Variants in YTHDF3 observed in about 807,000 individuals in gnomAD.
YTHDF3 encodes YTH N6-methyladenosine RNA binding protein F3, also known as YTH domain-containing family protein 3.
A neutral mutation model predicts 52.5 loss-of-function variants in YTHDF3; 9 were observed. The ratio of observed to expected loss-of-function variants is 0.17; its 90% CI spans 0.10 to 0.30. The LOEUF (loss-of-function observed/expected upper bound fraction) is 0.30. Ranked by LOEUF, YTHDF3 falls within the 10% of genes least tolerant of loss-of-function variation. YTHDF3 has a pLI of 1.00. For synonymous variants in YTHDF3, 274 were observed against 243.3 expected (o/e 1.13, Z -1.18); for missense variants, 534 against 715.0 (o/e 0.75, Z 2.89).
At chr8:63,201,904 G>A (rs1029460208) in intron 4 of YTHDF3, among the ~76,000 whole-genome samples, 4 of 152,148 alleles carry the variant, frequency 2.6e-5, no homozygotes, top group Non-Finnish European at 5.9e-5. Flanking sequence ...GACTTTAAGA[G>A]CCTCTGTTAC....
In YTHDF3 at chr8:63,209,678, T is replaced by C. The variant is rs1220393112; in HGVS notation, c.1735-5T>C. 7 of 1,572,294 alleles carry C rather than the reference T, an allele frequency of 4.5e-6. No individual in the cohort carries two copies. Among genetic ancestry groups the C allele is most frequent in the Non-Finnish European group, 6.0e-6 (7 of 1,166,082 alleles). On this transcript the variant is annotated splice_polypyrimidine_tract_variant and splice_region_variant and intron_variant, in intron 4 of 4. Coordinates refer to ENST00000539294, the MANE Select transcript of YTHDF3 (RefSeq NM_152758.6). ...TTTTGTGTGTGTGTGTTTTTTTTTT[T>C]TCAGGAGAGAAATAGAAACAAACAA...
At chr8:63,178,334 A>C (rs1807838407) in intron 3 of YTHDF3, among the ~76,000 whole-genome samples, 1 of 152,062 alleles carries the variant, frequency 6.6e-6, no homozygotes, top group Non-Finnish European at 1.5e-5. Context: ...TTTGCGTTTT[A>C]TCTGTTCTAT....
rs1810390588 is a variant in YTHDF3, at chr8:63,211,939, C to G, written c.*2233C>G. 1 of 152,544 alleles carries G rather than the reference C, an allele frequency of 6.6e-6. No homozygotes were observed. Among genetic ancestry groups the G allele is most frequent in the Admixed American group, 6.6e-5 (1 of 15,246 alleles). The allele number at this position is 152,544 out of a possible 1,614,324, so 9.4% of individuals were successfully genotyped here. On this transcript the variant is annotated 3_prime_UTR_variant, in exon 5 of 5. Transcript: ENST00000539294. The stretch of plus-strand genomic sequence containing the variant: ...TTCTCCAGAGCACCCACCTTCTCTT[C>G]CTTCTTGGTCTGTCATTATATTGCA...
intron 3 of YTHDF3, among the ~76,000 whole-genome samples, chr8:63,178,047 C>T (rs968913930): frequency 7.2e-5 from 11 of 152,172 alleles, no homozygotes; most frequent in African/African-American, 9.7e-5. Context: ...CATGGAACAC[C>T]GCACTCAGCC....
chr8:63,182,234 ATTTTTTTTTTTT>A (rs11348989), intron 3 of YTHDF3, among the ~76,000 whole-genome samples: 3 of 111,696 alleles, frequency 2.7e-5, no homozygotes, highest in South Asian at 3.3e-4. Context: ...TGCCTGGCTA[ATTTTTTTTTTTT>A]TTTTTTTTTT....
At chr8:63,185,086 C>T (rs1011696731) in intron 3 of YTHDF3, among the ~76,000 whole-genome samples, 2 of 151,982 alleles carry the variant, frequency 1.3e-5, no homozygotes, top group African/African-American at 2.4e-5. Flanking sequence ...AGCGCTGCTG[C>T]ACTTCTGCCT....
chr8:63,186,953 G>A lies in YTHDF3; in HGVS notation c.942G>A (p.Val314=). ...PQPLIQPPPL[V]QSQLPQQQPQ... is the part of the protein sequence containing the mutation. ...CATTAATTCAACCACCACCATTGGT[G>A]CAAAGCCAACTGCCTCAACAGCAGC... The change falls in exon 4 of 5, where the codon GTG becomes GTA. Residue 314 remains valine (V), a synonymous_variant. Coordinates refer to ENST00000539294, the MANE Select transcript of YTHDF3 (RefSeq NM_152758.6). 2.5e-6 allele frequency: 4 copies of A among 1,613,838 alleles called. No individual in the cohort carries two copies. Among genetic ancestry groups the A allele is most frequent in the Non-Finnish European group, 3.4e-6 (4 of 1,179,830 alleles).
chr8:63,183,384 C>G (rs1808283799), intron 3 of YTHDF3, among the ~76,000 whole-genome samples: 1 of 151,988 alleles, frequency 6.6e-6, no homozygotes, highest in African/African-American at 2.4e-5. Context: ...ACTATGAGTA[C>G]TTTCCATTTT....
At chr8:63,172,245 G>A (rs947606364) in intron 2 of YTHDF3, among the ~76,000 whole-genome samples, 1 of 152,048 alleles carries the variant, frequency 6.6e-6, no homozygotes, top group African/African-American at 2.4e-5. Context: ...TGGAATAAAG[G>A]TGTGCAGTAC....
At chr8:63,170,347 GTATT>G (rs1164384745) in intron 2 of YTHDF3, among the ~76,000 whole-genome samples, 2 of 152,020 alleles carry the variant, frequency 1.3e-5, no homozygotes, top group South Asian at 4.1e-4. Context: ...TCTTGTTAGG[GTATT>G]TATTTGCTAT....
intron 3 of YTHDF3, among the ~76,000 whole-genome samples, chr8:63,181,611 GTTAC>G (rs1266584833): frequency 5.9e-5 from 9 of 152,294 alleles, no homozygotes; most frequent in East Asian, 1.9e-4. Context: ...TGATTTTCCA[GTTAC>G]TTACTCCCTC....
At chr8:63,173,831 C>G (rs935935108) in intron 2 of YTHDF3, 3 of 254,018 alleles carry the variant, frequency 1.2e-5, no homozygotes. Context: ...AGTTCTGATG[C>G]AGTCCTTATC....
chr8:63,194,377 C>T (rs1429573297), intron 4 of YTHDF3, among the ~76,000 whole-genome samples: 6 of 152,076 alleles, frequency 3.9e-5, no homozygotes, highest in East Asian at 1.9e-4. Flanking sequence ...CCCATCTACT[C>T]GGGAGACTGA....
chr8:63,208,286 G>C (rs974369415), intron 4 of YTHDF3, among the ~76,000 whole-genome samples: 1 of 152,184 alleles, frequency 6.6e-6, no homozygotes, highest in Non-Finnish European at 1.5e-5. Flanking sequence ...GTAACAAAGA[G>C]AACTGAGGTT....
intron 4 of YTHDF3, among the ~76,000 whole-genome samples, chr8:63,207,612 A>G (rs1466216170): frequency 6.6e-6 from 1 of 152,118 alleles, no homozygotes; most frequent in Non-Finnish European, 1.5e-5. Context: ...TTAGTGATTC[A>G]TTTAAAGTAC....
intron 2 of YTHDF3, among the ~76,000 whole-genome samples, chr8:63,173,840 T>C (rs185107380): frequency 5.1e-4 from 78 of 152,312 alleles, no homozygotes; most frequent in African/African-American, 1.8e-3. Flanking sequence ...GCAGTCCTTA[T>C]CAGACATAGT....
In YTHDF3 at chr8:63,187,551, A is replaced by G; in HGVS notation, c.1540A>G (p.Asn514Asp). The change falls in exon 4 of 5, where the codon AAC becomes GAC. Residue 514 changes from asparagine to aspartate, a missense_variant. Physicochemically the swap from Asn to Asp is conservative, Grantham distance 23. Around this residue, in one of 3 missense-constraint regions of YTHDF3, gnomAD observed 135 missense variants for 214.2 expected, o/e 0.63. Coordinates refer to ENST00000539294, the MANE Select transcript of YTHDF3 (RefSeq NM_152758.6). ...GATCTTTGTCAAAGATGTTCCCAAT[A>G]ACCAATTACGGCATATTCGCTTAGA... ...KWIFVKDVPN[N>D]QLRHIRLENN... 1 of 1,613,996 alleles carries G rather than the reference A, an allele frequency of 6.2e-7. No individual in the cohort carries two copies. Among genetic ancestry groups the G allele is most frequent in the Non-Finnish European group, 8.5e-7 (1 of 1,179,884 alleles).
rs182939076 is a variant in YTHDF3 at position 63,186,134 on chromosome 8, T to C, written c.136-13T>C. On this transcript the variant is annotated splice_polypyrimidine_tract_variant and intron_variant, in intron 3 of 4. Coordinates refer to ENST00000539294, the MANE Select transcript of YTHDF3 (RefSeq NM_152758.6). ...GGACATTTCGCTACTGATTGTGATA[T>C]TTTGTTTTGCAGAGTAACAGCTATC... 7.5e-5 allele frequency: 119 copies of C among 1,588,954 alleles called. 1 individual carries two copies. The African/African-American group carries it at 1.3e-3, about 17-fold the overall frequency.
rs1563388647 is a variant in YTHDF3 at position 63,168,899 on chromosome 8, C to G, written c.22C>G (p.Gln8Glu). ...AAGAATGTCAGCCACTAGCGTGGAT[C>G]AGGTGAGGGAGCAGAGGCCCCAGGC... MSATSVD[Q>E]RPKGQGNKVS... Residue 8 changes from glutamine to glutamate, a missense_variant and splice_region_variant, in exon 1 of 5, where the codon CAG (glutamine) becomes GAG (glutamate). Gln to Glu is a conservative substitution (Grantham distance 29). Around this residue, in one of 3 missense-constraint regions of YTHDF3, gnomAD observed 196 missense variants for 299.5 expected, o/e 0.65. Coordinates refer to ENST00000539294, the MANE Select transcript of YTHDF3 (RefSeq NM_152758.6). The G allele has an allele frequency of 1.3e-6, 2 of 1,553,042 alleles. No homozygotes were observed. The highest frequency in any genetic ancestry group is 2.0e-5 in the Admixed American group (1 of 51,210).
Sources: allele counts gnomAD v4.1 joint callset (sites outside exome capture counted in the v4.1 genomes callset), GRCh38; gene constraint gnomAD v4.1.1; regional missense constraint gnomAD v4.1.1; transcripts MANE v1.5; gene names NCBI Gene and HGNC (gene_info 2026-07-23, HGNC 2026-07-21).